HMGB1: variants seen among roughly 807,000 people sequenced by gnomAD.
HMGB1 encodes high mobility group box 1.
For synonymous variants in HMGB1, 81 were observed against 84.0 expected (o/e 0.96, Z 0.19); for missense variants, 79 against 253.5 (o/e 0.31, Z 4.67).
intron 1 of HMGB1, among the ~76,000 whole-genome samples, chr13:30,527,440 C>T (rs1238169031): frequency 6.6e-6 from 1 of 152,026 alleles, no homozygotes; most frequent in Non-Finnish European, 1.5e-5. Context: ...AGCCTCTTCC[C>T]ACCTTCCTCA....
At chr13:30,539,020 C>T (rs1868733867) in intron 1 of HMGB1, among the ~76,000 whole-genome samples, 1 of 152,154 alleles carries the variant, frequency 6.6e-6, no homozygotes, top group African/African-American at 2.4e-5. Context: ...CCTCAGCCTC[C>T]CTAGTAGCTG....
chr13:30,468,708 A>G (rs1419230457), upstream of HMGB1, among the ~76,000 whole-genome samples: 2 of 152,096 alleles, frequency 1.3e-5, no homozygotes, highest in African/African-American at 4.8e-5. Flanking sequence ...CTTATATTTG[A>G]TTTTCTGTGA....
Position 30,483,353 on chromosome 13 carries a change from T to TC in HMGB1, c.-14-19660dup, listed in dbSNP as rs1295810610. On this transcript the variant is annotated intron_variant, in intron 1 of 4. Coordinates refer to the HMGB1 transcript ENST00000405805. The stretch of plus-strand genomic sequence containing the variant: ...CAGAAACCTGAGTATCATCATTAAC[T>TC]CCTCCTTTCCCTCACTCCCCGCAAC... Among the ~76,000 whole-genome samples, 3 of 129,140 alleles carry TC rather than the reference T, an allele frequency of 2.3e-5. No individual in the cohort carries two copies. In the East Asian group the frequency reaches 6.0e-4, roughly 26 times the overall value. The allele number at this position is 129,140 out of a possible 152,430, so 84.7% of individuals were successfully genotyped here. A position where few individuals can be genotyped will look rare whatever the true frequency, so the allele number is the denominator to read the frequency against.
At chr13:30,560,980 G>A (rs754956760) in intron 1 of HMGB1, among the ~76,000 whole-genome samples, 8 of 151,632 alleles carry the variant, frequency 5.3e-5, no homozygotes, top group Non-Finnish European at 1.2e-4. Flanking sequence ...ATAACAGAGC[G>A]AAGTCTGTAG....
At chr13:30,528,449 T>C (rs532150993) in intron 1 of HMGB1, among the ~76,000 whole-genome samples, 1 of 152,300 alleles carries the variant, frequency 6.6e-6, no homozygotes, top group Non-Finnish European at 1.5e-5. Flanking sequence ...ATAAAAGGAC[T>C]ACCGTATTGC....
chr13:30,518,336 C>T (rs1888147396), intron 1 of HMGB1, among the ~76,000 whole-genome samples: 2 of 152,182 alleles, frequency 1.3e-5, no homozygotes. Flanking sequence ...TTGTCTGAAA[C>T]AAGCAAAACA....
At chr13:30,574,761 C>T (rs1476984138) in intron 1 of HMGB1, among the ~76,000 whole-genome samples, 1 of 152,142 alleles carries the variant, frequency 6.6e-6, no homozygotes, top group Non-Finnish European at 1.5e-5. Flanking sequence ...TTGTAGAGGG[C>T]TGTCCTTACT....
chr13:30,558,576 G>A (rs1334812621), intron 1 of HMGB1, among the ~76,000 whole-genome samples: 1 of 152,034 alleles, frequency 6.6e-6, no homozygotes, highest in Non-Finnish European at 1.5e-5. Flanking sequence ...TAAAATGTCC[G>A]GGCTTTTAGC....
intron 1 of HMGB1, 23 bp downstream of exon 1, chr13:30,465,773 C>T (rs1004514543): frequency 3.0e-6 from 3 of 985,172 alleles, no homozygotes; most frequent in Non-Finnish European, 3.6e-6. Context: ...GCTCTCCCCG[C>T]CGCGGCGCTG....
intron 3 of HMGB1, 54 bp downstream of exon 3, chr13:30,463,149 TTCTC>T: frequency 6.5e-7 from 1 of 1,527,986 alleles, no homozygotes; most frequent in Non-Finnish European, 8.9e-7. Flanking sequence ...CTTGCTAAAT[TTCTC>T]TCAGATTCTA....
intron 1 of HMGB1, among the ~76,000 whole-genome samples, chr13:30,579,784 G>A (rs1157885742): frequency 6.6e-6 from 1 of 152,126 alleles, no homozygotes; most frequent in Non-Finnish European, 1.5e-5. Context: ...ACATAAGAGA[G>A]TTAAAAATTA....
intron 1 of HMGB1, among the ~76,000 whole-genome samples, chr13:30,488,669 ATTATTATTATTAT>A (rs1887418658): frequency 6.9e-6 from 1 of 144,164 alleles, no homozygotes; most frequent in African/African-American, 2.5e-5. Context: ...TATTATTATT[ATTATTATTATTAT>A]TATTATTATT....
At chr13:30,468,658 G>C (rs1427743235), upstream of HMGB1, among the ~76,000 whole-genome samples, 4 of 152,118 alleles carry the variant, frequency 2.6e-5, no homozygotes, top group African/African-American at 9.7e-5. Context: ...CTATATCAGA[G>C]AGAAGAGTTT....
At chr13:30,497,385 C>T (rs539805047) in intron 1 of HMGB1, among the ~76,000 whole-genome samples, 12 of 151,996 alleles carry the variant, frequency 7.9e-5, no homozygotes, top group Admixed American at 2.0e-4. Context: ...TGCCACTACA[C>T]CCAGCTAATT....
intron 1 of HMGB1, among the ~76,000 whole-genome samples, chr13:30,500,448 C>T (rs1000192777): frequency 6.6e-6 from 1 of 151,896 alleles, no homozygotes; most frequent in African/African-American, 2.4e-5. Flanking sequence ...TGGCTCACCT[C>T]AGCCCTGAAT....
chr13:30,614,860 G>A (rs1397668326), intron 1 of HMGB1, among the ~76,000 whole-genome samples: 3 of 151,144 alleles, frequency 2.0e-5, no homozygotes, highest in African/African-American at 7.3e-5. Flanking sequence ...CACCGCGCCC[G>A]GTTAATTTTT....
At chr13:30,556,210 GC>G (rs1315555590) in intron 1 of HMGB1, among the ~76,000 whole-genome samples, 1 of 152,156 alleles carries the variant, frequency 6.6e-6, no homozygotes, top group East Asian at 1.9e-4. Flanking sequence ...TTTGAGACCA[GC>G]CTGACCAACA....
upstream of HMGB1, among the ~76,000 whole-genome samples, chr13:30,468,812 T>C (rs1886858804): frequency 6.6e-6 from 1 of 152,238 alleles, no homozygotes; most frequent in Non-Finnish European, 1.5e-5. Context: ...TCCTTTATGA[T>C]ATTAGACGCT....
intron 1 of HMGB1, among the ~76,000 whole-genome samples, chr13:30,547,051 G>A (rs190972087): frequency 1.7e-4 from 26 of 152,354 alleles, no homozygotes; most frequent in African/African-American, 6.0e-4. Context: ...GAGATAATGT[G>A]TGTGGCCCAT....
Sources: gnomAD v4.1 joint callset for allele counts (sites outside exome capture counted in the v4.1 genomes callset) on GRCh38, gnomAD v4.1.1 for gene constraint, MANE v1.5 for transcripts, NCBI Gene and HGNC (gene_info 2026-07-23, HGNC 2026-07-21) for gene names.